Variants in NRXN1 observed in about 807,000 individuals in gnomAD.
NRXN1 encodes the protein neurexin-1.
Under a neutral mutation model 150.9 loss-of-function variants are expected in NRXN1, and 39 were observed. That is an observed-to-expected ratio of 0.26 (90% CI 0.20 to 0.34). The LOEUF is 0.34. NRXN1 is among the 10% of genes least tolerant of loss of function. NRXN1 has a pLI of 1.00. For missense variants in NRXN1, 1,815 were observed against 1,949.9 expected (o/e 0.93, Z 1.30); for synonymous variants, 924 against 757.0 (o/e 1.22, Z -3.62).
chr2:50,973,931 A>G (rs540601686), intron 2 of NRXN1, among the ~76,000 whole-genome samples: 4 of 152,282 alleles, frequency 2.6e-5, no homozygotes, highest in African/African-American at 9.6e-5. Flanking sequence ...AAACTATGGC[A>G]TGTAATGTGA....
intron 18 of NRXN1, among the ~76,000 whole-genome samples, chr2:50,186,668 T>A (rs768379829): frequency 6.6e-6 from 1 of 152,082 alleles, no homozygotes; most frequent in South Asian, 2.1e-4. Flanking sequence ...TTGCTGTGCA[T>A]CATGTATGCT....
chr2:50,641,452 T>C (rs1559062284), intron 5 of NRXN1, among the ~76,000 whole-genome samples: 1 of 152,062 alleles, frequency 6.6e-6, no homozygotes, highest in Non-Finnish European at 1.5e-5. Context: ...CAGTGAAACA[T>C]TCTCCATCTA....
intron 1 of NRXN1, among the ~76,000 whole-genome samples, chr2:51,029,819 C>G (rs1248543812): frequency 1.3e-5 from 2 of 152,170 alleles, no homozygotes; most frequent in Non-Finnish European, 2.9e-5. Context: ...ATGTTTTTGG[C>G]ATTGTCTCAA....
At chr2:50,065,088 C>A (rs939377145) in intron 19 of NRXN1, among the ~76,000 whole-genome samples, 7 of 152,078 alleles carry the variant, frequency 4.6e-5, no homozygotes, top group Non-Finnish European at 7.4e-5. Flanking sequence ...TGAAAGTGGT[C>A]TGTAGGTAAA....
At chr2:50,406,767 C>G (rs930925551) in intron 17 of NRXN1, among the ~76,000 whole-genome samples, 3 of 152,146 alleles carry the variant, frequency 2.0e-5, no homozygotes, top group African/African-American at 4.8e-5. Flanking sequence ...TAATGACTGA[C>G]TCTCTTCCAT....
chr2:50,822,503 T>A (rs1410919014), intron 5 of NRXN1, among the ~76,000 whole-genome samples: 4 of 152,242 alleles, frequency 2.6e-5, no homozygotes, highest in Non-Finnish European at 2.9e-5. Flanking sequence ...CTTTGCATAA[T>A]ATAAGACACT....
intron 5 of NRXN1, among the ~76,000 whole-genome samples, chr2:50,736,997 C>T (rs955302162): frequency 1.3e-5 from 2 of 152,092 alleles, no homozygotes; most frequent in African/African-American, 4.8e-5. Context: ...GTGGTGCATG[C>T]CTGTAATCCC....
At chr2:50,899,893 A>G (rs989271813) in intron 5 of NRXN1, among the ~76,000 whole-genome samples, 1 of 152,200 alleles carries the variant, frequency 6.6e-6, no homozygotes, top group African/African-American at 2.4e-5. Flanking sequence ...GAATTTTTGA[A>G]TGTGAATTAC....
chr2:50,531,329 G>C lies in NRXN1; in HGVS notation c.2245C>G (p.Gln749Glu). The C allele has an allele frequency of 6.2e-7, 1 of 1,613,512 alleles. No individual in the cohort carries two copies. Among genetic ancestry groups the C allele is most frequent in the Non-Finnish European group, 8.5e-7 (1 of 1,179,698 alleles). ...AEDVSLRFRS[Q>E]RAYGILMATT... is the part of the protein sequence containing the mutation. ...GCCATCAGAATGCCATATGCACGCTGGGATCGGAACCGTAAGGAAACATCC... is the reference window on the plus strand; with the variant it reads ...GCCATCAGAATGCCATATGCACGCTCGGATCGGAACCGTAAGGAAACATCC... Residue 749 changes from glutamine (Q) to glutamate (E), a missense_variant, in exon 11 of 23, where the codon CAG (glutamine) becomes GAG (glutamate). Transcript: ENST00000401669.
intron 2 of NRXN1, among the ~76,000 whole-genome samples, chr2:50,958,971 A>AT (rs1192462263): frequency 8.6e-5 from 13 of 152,020 alleles, no homozygotes; most frequent in Non-Finnish European, 1.8e-4. Context: ...TCATTTTTAG[A>AT]TTTTGTCGTA....
intron 5 of NRXN1, among the ~76,000 whole-genome samples, chr2:50,746,946 C>G (rs1700096055): frequency 6.6e-6 from 1 of 152,070 alleles, no homozygotes; most frequent in South Asian, 2.1e-4. Flanking sequence ...TATGAACACT[C>G]TAGTTAGCTT....
intron 18 of NRXN1, among the ~76,000 whole-genome samples, chr2:50,167,897 A>G (rs976012070): frequency 5.9e-5 from 9 of 152,170 alleles, no homozygotes; most frequent in African/African-American, 2.2e-4. Flanking sequence ...AAAGACAACC[A>G]TGAGTTCAGT....
At chr2:50,186,651 AT>A (rs2061092151) in intron 18 of NRXN1, among the ~76,000 whole-genome samples, 1 of 152,040 alleles carries the variant, frequency 6.6e-6, no homozygotes, top group Non-Finnish European at 1.5e-5. Flanking sequence ...GCTCAGAAAA[AT>A]TTCCTTTGCT....
intron 2 of NRXN1, among the ~76,000 whole-genome samples, chr2:51,003,462 C>T (rs538473237): frequency 1.3e-5 from 2 of 151,976 alleles, no homozygotes; most frequent in South Asian, 4.1e-4. Context: ...ATTGAAACCT[C>T]CTTTCCAAAA....
At chr2:50,179,274 A>G (rs2060547741) in intron 18 of NRXN1, among the ~76,000 whole-genome samples, 2 of 152,172 alleles carry the variant, frequency 1.3e-5, no homozygotes, top group South Asian at 4.1e-4. Flanking sequence ...GTCTAGTCAC[A>G]TCAGCATATT....
intron 2 of NRXN1, among the ~76,000 whole-genome samples, chr2:50,939,668 T>G (rs1272993583): frequency 1.3e-5 from 2 of 152,164 alleles, no homozygotes; most frequent in East Asian, 3.8e-4. Context: ...TCACTTAAAC[T>G]AGTCACCATG....
intron 18 of NRXN1, among the ~76,000 whole-genome samples, chr2:50,118,844 G>C (rs1033657243): frequency 6.6e-6 from 1 of 152,108 alleles, no homozygotes; most frequent in Admixed American, 6.6e-5. Flanking sequence ...TCTAACATAA[G>C]TCTGGAATAC....
At chr2:50,654,052 T>C (rs1178960342) in intron 5 of NRXN1, among the ~76,000 whole-genome samples, 1 of 151,374 alleles carries the variant, frequency 6.6e-6, no homozygotes, top group Non-Finnish European at 1.5e-5. Flanking sequence ...TTTTATACTT[T>C]AAGTTTTAGG....
intron 18 of NRXN1, among the ~76,000 whole-genome samples, chr2:50,203,806 A>AT (rs1447883847): frequency 2.6e-5 from 4 of 152,044 alleles, no homozygotes; most frequent in Non-Finnish European, 2.9e-5. Flanking sequence ...TTTCTTCTTC[A>AT]TTTTTTTCTT....
Sources: gnomAD v4.1 joint callset for allele counts (sites outside exome capture counted in the v4.1 genomes callset) on GRCh38, gnomAD v4.1.1 for gene constraint, MANE v1.5 for transcripts, NCBI Gene and HGNC (gene_info 2026-07-23, HGNC 2026-07-21) for gene names.